TAFA2: variants seen among roughly 807,000 people sequenced by gnomAD.
TAFA2 encodes the protein chemokine-like protein TAFA-2.
TAFA2 carries 7 observed loss-of-function variants against 18.8 expected under a neutral mutation model. That is an observed-to-expected ratio of 0.37 (90% CI 0.21 to 0.70). The LOEUF (loss-of-function observed/expected upper bound fraction) is 0.70, where lower values mean the gene tolerates loss of function less well. TAFA2 is among the 30% of genes least tolerant of loss of function. TAFA2 has a pLI of 0.53. For synonymous variants in TAFA2, 60 were observed against 54.2 expected (o/e 1.11, Z -0.47); for missense variants, 122 against 158.1 (o/e 0.77, Z 1.23).
At chr12:61,847,089 C>G (rs945532929) in intron 2 of TAFA2, among the ~76,000 whole-genome samples, 10 of 152,220 alleles carry the variant, frequency 6.6e-5, no homozygotes, top group Admixed American at 1.3e-4. Flanking sequence ...TTTCATCGAC[C>G]CACTCAGGCT....
intron 1 of TAFA2, among the ~76,000 whole-genome samples, chr12:62,045,152 GA>G (rs1881877145): frequency 6.6e-6 from 1 of 152,110 alleles, no homozygotes; most frequent in South Asian, 2.1e-4. Context: ...AGGTCGTACA[GA>G]AAAATAAATA....
chr12:61,724,269 G>A (rs1008308189), intron 4 of TAFA2, among the ~76,000 whole-genome samples: 2 of 152,036 alleles, frequency 1.3e-5, no homozygotes, highest in African/African-American at 4.8e-5. Flanking sequence ...TTCTGAATGT[G>A]GAACTGCATG....
intron 4 of TAFA2, among the ~76,000 whole-genome samples, chr12:61,729,663 C>T (rs575723398): frequency 6.6e-6 from 1 of 152,050 alleles, no homozygotes; most frequent in Admixed American, 6.6e-5. Flanking sequence ...TTTGTTTTCA[C>T]CTTTCTCTGG....
chr12:62,241,028 G>C (rs1441536106), intron 1 of TAFA2, among the ~76,000 whole-genome samples: 1 of 152,146 alleles, frequency 6.6e-6, no homozygotes, highest in African/African-American at 2.4e-5. Context: ...TGCCAAAAAA[G>C]GTTGGGGACC....
At chr12:61,858,850 C>T (rs1219036306) in intron 2 of TAFA2, among the ~76,000 whole-genome samples, 5 of 152,086 alleles carry the variant, frequency 3.3e-5, no homozygotes, top group Admixed American at 2.6e-4. Context: ...ACCAGAGTGA[C>T]CCAAACATCC....
At chr12:62,085,486 T>C (rs927040279) in intron 1 of TAFA2, among the ~76,000 whole-genome samples, 3 of 152,128 alleles carry the variant, frequency 2.0e-5, no homozygotes, top group Non-Finnish European at 4.4e-5. Context: ...TTAATTCTCA[T>C]GCTGGCACAG....
chr12:62,097,395 T>G (rs1356729435), intron 1 of TAFA2, among the ~76,000 whole-genome samples: 1 of 151,944 alleles, frequency 6.6e-6, no homozygotes, highest in Non-Finnish European at 1.5e-5. Context: ...AGGCATAAGG[T>G]GCAACACAGG....
At chr12:61,719,591 C>G (rs1483654182) in intron 4 of TAFA2, among the ~76,000 whole-genome samples, 2 of 152,120 alleles carry the variant, frequency 1.3e-5, no homozygotes, top group African/African-American at 4.8e-5. Context: ...ACCCTAGCCC[C>G]CAGATTATCA....
intron 1 of TAFA2, among the ~76,000 whole-genome samples, chr12:62,190,891 G>T (rs896964034): frequency 9.2e-5 from 14 of 152,144 alleles, no homozygotes; most frequent in African/African-American, 3.4e-4. Flanking sequence ...TTACCAGCCA[G>T]GATGGGTCTG....
At chr12:61,958,674 A>G (rs755660) in intron 1 of TAFA2, among the ~76,000 whole-genome samples, 15,516 of 151,914 alleles carry the variant, frequency 0.1, 865 homozygotes, top group East Asian at 0.22. Flanking sequence ...GTGTCTTGCC[A>G]ACTTTCTTGT....
chr12:62,224,805 G>A (rs936678393), intron 1 of TAFA2, among the ~76,000 whole-genome samples: 11 of 152,180 alleles, frequency 7.2e-5, no homozygotes, highest in East Asian at 3.9e-4. Flanking sequence ...GCACAATAAT[G>A]AGTGTACTTA....
chr12:61,732,068 A>G (rs1250692795), intron 4 of TAFA2, among the ~76,000 whole-genome samples: 2 of 152,108 alleles, frequency 1.3e-5, no homozygotes, highest in East Asian at 3.9e-4. Context: ...CGAGAGAAAG[A>G]GAGGGACTTT....
intron 1 of TAFA2, among the ~76,000 whole-genome samples, chr12:62,238,918 A>G (rs538684442): frequency 4.1e-4 from 63 of 152,344 alleles, no homozygotes; most frequent in African/African-American, 1.5e-3. Context: ...GCTTCCTCTA[A>G]GCCAATTATA....
intron 2 of TAFA2, among the ~76,000 whole-genome samples, chr12:61,853,560 T>TATC (rs1470827264): frequency 6.6e-6 from 1 of 152,154 alleles, no homozygotes; most frequent in African/African-American, 2.4e-5. Context: ...AACACAGAAT[T>TATC]ATCATAAGGA....
intron 1 of TAFA2, among the ~76,000 whole-genome samples, chr12:62,123,781 T>TACACACACACACAC (rs71083977): frequency 0.013 from 1,729 of 132,824 alleles, 32 homozygotes; most frequent in African/African-American, 0.024. Flanking sequence ...ACCACACACA[T>TACACACACACACAC]ACACACACAC....
intron 1 of TAFA2, among the ~76,000 whole-genome samples, chr12:61,924,349 G>T (rs1877187301): frequency 6.6e-6 from 1 of 152,172 alleles, no homozygotes; most frequent in South Asian, 2.1e-4. Context: ...GAAAGGTCGG[G>T]TTACCCACAA....
chr12:62,197,410 A>C (rs1239624143), upstream of TAFA2, among the ~76,000 whole-genome samples: 3 of 152,352 alleles, frequency 2.0e-5, no homozygotes, highest in Non-Finnish European at 4.4e-5. Context: ...ACTTTGGTGC[A>C]CTTCAGGCTT....
At chr12:61,740,993 A>AT (rs1347163190) in intron 4 of TAFA2, among the ~76,000 whole-genome samples, 2 of 152,120 alleles carry the variant, frequency 1.3e-5, no homozygotes, top group African/African-American at 4.8e-5. Context: ...TATATGTATT[A>AT]TTTTTTGTTT....
At chr12:62,057,843 G>A (rs1565730438) in intron 1 of TAFA2, among the ~76,000 whole-genome samples, 1 of 152,042 alleles carries the variant, frequency 6.6e-6, no homozygotes, top group Non-Finnish European at 1.5e-5. Flanking sequence ...TTCATGTGGT[G>A]GGTATCAGTT....
Sources: gnomAD v4.1 joint callset for allele counts (sites outside exome capture counted in the v4.1 genomes callset) on GRCh38, gnomAD v4.1.1 for gene constraint, MANE v1.5 for transcripts, NCBI Gene and HGNC (gene_info 2026-07-23, HGNC 2026-07-21) for gene names.